NPAS3: variants seen among roughly 807,000 people sequenced by gnomAD.
The protein encoded by NPAS3 is neuronal PAS domain protein 3.
NPAS3 carries 14 observed loss-of-function variants against 73.1 expected under a neutral mutation model. The ratio of observed to expected loss-of-function variants is 0.19; its 90% confidence interval spans 0.13 to 0.30. The LOEUF (loss-of-function observed/expected upper bound fraction) is 0.30, where lower values mean the gene tolerates loss of function less well. Among genes scored for constraint, NPAS3 ranks in the 10% least tolerant of loss-of-function variants. The pLI is 1.00. For synonymous variants in NPAS3, 620 were observed against 541.5 expected, an observed-to-expected ratio of 1.14 and a Z score of -2.01; for missense variants, 1,096 against 1,250.0, an observed-to-expected ratio of 0.88 and a Z score of 1.86.
chr14:33,685,926 T>C (rs761708948), intron 6 of NPAS3, among the ~76,000 whole-genome samples: 1 of 152,164 alleles, frequency 6.6e-6, no homozygotes, highest in Non-Finnish European at 1.5e-5. Context: ...AGCACTTTGC[T>C]ATGTGCTTAT....
At chr14:32,964,160 T>A (rs1377294659) in intron 1 of NPAS3, among the ~76,000 whole-genome samples, 15 of 75,436 alleles carry the variant, frequency 2.0e-4, no homozygotes, top group East Asian at 5.0e-4. Flanking sequence ...TTTGCTGCAC[T>A]AAAAAAAAAA....
chr14:33,575,224 C>T (rs2056387444), intron 5 of NPAS3, among the ~76,000 whole-genome samples: 1 of 152,190 alleles, frequency 6.6e-6, no homozygotes, highest in South Asian at 2.1e-4. Context: ...TGGTCTCCTG[C>T]CCATTAGCTT....
At chr14:33,191,096 C>A (rs1349121460) in intron 2 of NPAS3, among the ~76,000 whole-genome samples, 1 of 152,186 alleles carries the variant, frequency 6.6e-6, no homozygotes, top group South Asian at 2.1e-4. Flanking sequence ...TTTTCAGAGA[C>A]AAGGGTTGAA....
intron 6 of NPAS3, among the ~76,000 whole-genome samples, chr14:33,684,591 C>G (rs1284632918): frequency 6.6e-6 from 1 of 152,204 alleles, no homozygotes; most frequent in African/African-American, 2.4e-5. Flanking sequence ...AGCCGCCACA[C>G]CCAGCCTCTT....
chr14:33,620,517 C>T (rs189050750), intron 5 of NPAS3, among the ~76,000 whole-genome samples: 5 of 152,190 alleles, frequency 3.3e-5, no homozygotes, highest in African/African-American at 1.2e-4. Flanking sequence ...CGTGTGCATT[C>T]ACAAAAATAT....
At chr14:33,133,394 C>CT (rs1291009400) in intron 2 of NPAS3, among the ~76,000 whole-genome samples, 1 of 152,046 alleles carries the variant, frequency 6.6e-6, no homozygotes, top group Non-Finnish European at 1.5e-5. Flanking sequence ...AGGCTTTTCC[C>CT]TTTTTAAATG....
chr14:33,239,877 A>G (rs2048161612), intron 3 of NPAS3, among the ~76,000 whole-genome samples: 1 of 151,904 alleles, frequency 6.6e-6, no homozygotes, highest in African/African-American at 2.4e-5. Flanking sequence ...TTTTTTCATA[A>G]TTGAGTTAAA....
intron 8 of NPAS3, among the ~76,000 whole-genome samples, chr14:33,776,480 G>A (rs2062818979): frequency 4.4e-5 from 5 of 113,062 alleles, no homozygotes. Context: ...TAGTAATTGA[G>A]ATCATTTTCT....
At chr14:33,692,836 T>TTAAAA (rs2060270037) in intron 6 of NPAS3, among the ~76,000 whole-genome samples, 1 of 64,032 alleles carries the variant, frequency 1.6e-5, no homozygotes, top group Non-Finnish European at 2.8e-5. Flanking sequence ...CCCAATGTCT[T>TTAAAA]AAAAAAAAAA....
chr14:33,396,159 C>T (rs1363401214), intron 4 of NPAS3, among the ~76,000 whole-genome samples: 2 of 152,140 alleles, frequency 1.3e-5, no homozygotes, highest in Non-Finnish European at 2.9e-5. Flanking sequence ...TAACTTTTAA[C>T]CCAGATTAGC....
chr14:33,373,462 A>G (rs992070575), intron 4 of NPAS3, among the ~76,000 whole-genome samples: 1 of 151,722 alleles, frequency 6.6e-6, no homozygotes, highest in Non-Finnish European at 1.5e-5. Flanking sequence ...AAGAACTATC[A>G]TGTACTTATA....
chr14:33,079,681 G>A (rs1054824247), intron 2 of NPAS3, among the ~76,000 whole-genome samples: 15 of 129,784 alleles, frequency 1.2e-4, no homozygotes, highest in East Asian at 2.4e-4. Context: ...GTGCCATCTC[G>A]GCTAACTGCA....
intron 5 of NPAS3, among the ~76,000 whole-genome samples, chr14:33,665,024 T>C (rs1453170158): frequency 6.6e-6 from 1 of 152,218 alleles, no homozygotes; most frequent in Admixed American, 6.5e-5. Context: ...CCCAGAGGAT[T>C]ATAAATCATT....
chr14:33,178,289 G>A (rs555272219), intron 2 of NPAS3, among the ~76,000 whole-genome samples: 2 of 152,034 alleles, frequency 1.3e-5, no homozygotes, highest in Non-Finnish European at 2.9e-5. Flanking sequence ...TGGCCAGGAT[G>A]GTCTCGATCT....
chr14:33,187,358 C>T (rs2046014400), intron 2 of NPAS3, among the ~76,000 whole-genome samples: 1 of 152,190 alleles, frequency 6.6e-6, no homozygotes, highest in African/African-American at 2.4e-5. Flanking sequence ...ATGCTCTTCT[C>T]CACACCTTTA....
intron 2 of NPAS3, among the ~76,000 whole-genome samples, chr14:33,141,042 A>G (rs560624875): frequency 1.3e-5 from 2 of 152,336 alleles, no homozygotes; most frequent in South Asian, 2.1e-4. Flanking sequence ...AGTTTGTTGT[A>G]TGTGGGATGC....
At chr14:33,472,259 T>C (rs2050819976) in intron 4 of NPAS3, among the ~76,000 whole-genome samples, 1 of 152,090 alleles carries the variant, frequency 6.6e-6, no homozygotes, top group Non-Finnish European at 1.5e-5. Context: ...GGCAATGCAG[T>C]GTGGCTGGAG....
downstream of NPAS3, chr14:33,801,852 G>T (rs1011606681): frequency 7.2e-5 from 11 of 151,820 alleles, no homozygotes; most frequent in Non-Finnish European, 1.5e-4. Context: ...TCCTGGGCTG[G>T]GTTTTGGGGG....
intron 3 of NPAS3, among the ~76,000 whole-genome samples, chr14:33,283,816 C>T (rs1002983793): frequency 3.3e-5 from 5 of 152,130 alleles, no homozygotes; most frequent in African/African-American, 1.2e-4. Context: ...GATTTTCTTT[C>T]TCTGAGGACC....
Sources: gnomAD v4.1 joint callset for allele counts (sites outside exome capture counted in the v4.1 genomes callset) on GRCh38, gnomAD v4.1.1 for gene constraint, MANE v1.5 for transcripts, NCBI Gene and HGNC (gene_info 2026-07-23, HGNC 2026-07-21) for gene names.